B3GALT1: variants seen among roughly 807,000 people sequenced by gnomAD.
The protein encoded by B3GALT1 is UDP-Gal:betaGlcNAc beta 1,3-galactosyltransferase, polypeptide 1.
B3GALT1 carries 10 observed loss-of-function variants against 23.2 expected under a neutral mutation model. The observed-to-expected ratio is 0.43, with a 90% CI of 0.27 to 0.73. The LOEUF is 0.73. Among genes scored for constraint, B3GALT1 ranks in the 30% least tolerant of loss-of-function variants. The pLI is 0.21. For missense variants in B3GALT1, 299 were observed against 405.4 expected (o/e 0.74, Z 2.25); for synonymous variants, 156 against 141.5 (o/e 1.10, Z -0.73).
chr2:167,731,078 C>T (rs369761997), intron 3 of B3GALT1, among the ~76,000 whole-genome samples: 11 of 152,066 alleles, frequency 7.2e-5, no homozygotes, highest in Non-Finnish European at 1.0e-4. Flanking sequence ...ATGGCTCCAG[C>T]GAGCATACTC....
intron 1 of B3GALT1, among the ~76,000 whole-genome samples, chr2:167,432,120 C>A (rs1698715736): frequency 6.6e-6 from 1 of 152,024 alleles, no homozygotes; most frequent in African/African-American, 2.4e-5. Flanking sequence ...CTACATAGGA[C>A]CCTATTGAGT....
intron 1 of B3GALT1, among the ~76,000 whole-genome samples, chr2:167,452,685 G>T (rs934268077): frequency 2.0e-5 from 3 of 152,142 alleles, no homozygotes; most frequent in African/African-American, 7.2e-5. Flanking sequence ...CTGTTCATCC[G>T]AGTGGGAGCT....
chr2:167,840,942 G>A (rs1406146374), intron 4 of B3GALT1, among the ~76,000 whole-genome samples: 14 of 147,394 alleles, frequency 9.5e-5, no homozygotes, highest in South Asian at 6.5e-4. Context: ...ACCAAACACC[G>A]CATATTCTCA....
At chr2:167,339,861 A>G (rs902263997) in intron 1 of B3GALT1, among the ~76,000 whole-genome samples, 1 of 152,186 alleles carries the variant, frequency 6.6e-6, no homozygotes, top group East Asian at 1.9e-4. Context: ...CAGTTACTCA[A>G]TCTCCACACA....
intron 4 of B3GALT1, among the ~76,000 whole-genome samples, chr2:167,825,629 T>C (rs966027455): frequency 1.8e-4 from 27 of 152,104 alleles, no homozygotes; most frequent in Non-Finnish European, 2.6e-4. Flanking sequence ...TTTTCACTTC[T>C]GAGATAGGGA....
intron 2 of B3GALT1, among the ~76,000 whole-genome samples, chr2:167,638,057 A>G (rs2105452922): frequency 6.6e-6 from 1 of 152,172 alleles, no homozygotes; most frequent in East Asian, 1.9e-4. Context: ...AGAACACTAT[A>G]TAATACTTCT....
Position 167,593,804 on chromosome 2 carries a change from G to A in B3GALT1, c.-409-53105G>A, listed in dbSNP as rs2105417901. 2.0e-5 allele frequency among the ~76,000 whole-genome samples: 3 copies of A among 152,246 alleles called. No individual in the cohort carries two copies. In the East Asian group the frequency reaches 5.8e-4, roughly 29 times the overall value. ...CAGTGGGAGGAGCCAGTTTGGCAAG[G>A]ATGCTTTCAGGAATGATGGATTTAA... is the stretch of plus-strand genomic sequence containing the variant. On this transcript the variant is annotated intron_variant, in intron 2 of 4. Transcript: ENST00000392690.
At chr2:167,480,226 C>T (rs938034236) in intron 1 of B3GALT1, among the ~76,000 whole-genome samples, 2 of 152,090 alleles carry the variant, frequency 1.3e-5, no homozygotes, top group African/African-American at 4.8e-5. Context: ...TGTAGCCTTC[C>T]ATTAGTCTTA....
intron 2 of B3GALT1, among the ~76,000 whole-genome samples, chr2:167,558,829 C>G (rs1172714666): frequency 1.3e-5 from 2 of 152,210 alleles, no homozygotes; most frequent in Non-Finnish European, 2.9e-5. Context: ...TGGAGCTGAC[C>G]ACAGCTCAAG....
chr2:167,481,784 G>A (rs918492117), intron 1 of B3GALT1, among the ~76,000 whole-genome samples: 1 of 152,196 alleles, frequency 6.6e-6, no homozygotes, highest in African/African-American at 2.4e-5. Context: ...TCTGTATGGT[G>A]GTAGAGTTAA....
chr2:167,796,960 C>T (rs747095340), intron 3 of B3GALT1, among the ~76,000 whole-genome samples: 2 of 152,142 alleles, frequency 1.3e-5, no homozygotes, highest in African/African-American at 4.8e-5. Flanking sequence ...CTTTTTAAAT[C>T]GAGCATTTTT....
chr2:167,636,797 G>A (rs536248263), intron 2 of B3GALT1, among the ~76,000 whole-genome samples: 5 of 152,026 alleles, frequency 3.3e-5, no homozygotes, highest in Non-Finnish European at 7.4e-5. Context: ...AGAACACATG[G>A]ACACTGGGAG....
intron 1 of B3GALT1, among the ~76,000 whole-genome samples, chr2:167,306,742 T>G (rs1431700388): frequency 6.6e-6 from 1 of 152,044 alleles, no homozygotes; most frequent in Admixed American, 6.6e-5. Context: ...TCTCATGATA[T>G]TCTTTTTCTT....
At chr2:167,695,453 C>T (rs1349752555) in intron 3 of B3GALT1, among the ~76,000 whole-genome samples, 1 of 152,116 alleles carries the variant, frequency 6.6e-6, no homozygotes, top group African/African-American at 2.4e-5. Context: ...TTTACAAACT[C>T]TTGCTTAAAA....
At chr2:167,834,815 C>T (rs544091963) in intron 4 of B3GALT1, among the ~76,000 whole-genome samples, 1 of 151,878 alleles carries the variant, frequency 6.6e-6, no homozygotes, top group African/African-American at 2.4e-5. Flanking sequence ...CAACACTGCA[C>T]TCTAGGCTGG....
chr2:167,610,492 T>C (rs947123703), intron 2 of B3GALT1, among the ~76,000 whole-genome samples: 1 of 152,092 alleles, frequency 6.6e-6, no homozygotes, highest in African/African-American at 2.4e-5. Context: ...ACTATTGCTA[T>C]CCAAACATGT....
chr2:167,316,510 C>T (rs1696721173), intron 1 of B3GALT1, among the ~76,000 whole-genome samples: 1 of 152,144 alleles, frequency 6.6e-6, no homozygotes, highest in Admixed American at 6.5e-5. Context: ...GCCATGCTGT[C>T]ACATGTCATT....
intron 3 of B3GALT1, among the ~76,000 whole-genome samples, chr2:167,744,672 A>G (rs1687625875): frequency 6.6e-6 from 1 of 151,568 alleles, no homozygotes; most frequent in South Asian, 2.1e-4. Context: ...GCTCACTGCA[A>G]CCTCCACCTC....
At chr2:167,467,669 T>G (rs975336550) in intron 1 of B3GALT1, among the ~76,000 whole-genome samples, 5 of 152,186 alleles carry the variant, frequency 3.3e-5, no homozygotes, top group Non-Finnish European at 2.9e-5. Context: ...TTGTGTAGAA[T>G]TTGTATTTTG....
Sources: allele counts gnomAD v4.1 joint callset (sites outside exome capture counted in the v4.1 genomes callset), GRCh38; gene constraint gnomAD v4.1.1; transcripts MANE v1.5; gene names NCBI Gene and HGNC (gene_info 2026-07-23, HGNC 2026-07-21).